CYP46A1: variants seen among roughly 807,000 people sequenced by gnomAD.
CYP46A1 encodes the protein cytochrome P450 family 46 subfamily A member 1, also known as cholesterol 24-hydroxylase.
In CYP46A1, 20 loss-of-function variants were observed where a neutral mutation model predicts 63.3. That is an observed-to-expected ratio of 0.32 (90% CI 0.22 to 0.46). The LOEUF (loss-of-function observed/expected upper bound fraction) is 0.46. Among genes scored for constraint, CYP46A1 ranks in the 20% least tolerant of loss-of-function variants. The pLI, the probability that CYP46A1 is intolerant of heterozygous loss-of-function variation, is 1.00. For missense variants in CYP46A1, 445 were observed against 670.8 expected (o/e 0.66, Z 3.72); for synonymous variants, 268 against 273.6 (o/e 0.98, Z 0.20).
intron 5 of CYP46A1, among the ~76,000 whole-genome samples, chr14:99,705,339 C>G (rs1484052926): frequency 6.6e-6 from 1 of 152,182 alleles, no homozygotes; most frequent in African/African-American, 2.4e-5. Flanking sequence ...TTTCAAGTAG[C>G]TGGGGCTACA....
rs750463063 is a variant in CYP46A1 at position 99,721,275 on chromosome 14, G to A, written c.1017G>A (p.Lys339=). The A allele has an allele frequency of 3.7e-6, 6 of 1,614,016 alleles. No individual in the cohort carries two copies. The Admixed American group carries it at 6.7e-5, about 18-fold the overall frequency. The change falls in exon 11 of 15, where the codon AAG becomes AAA. Residue 339 remains lysine (K), a synonymous_variant. Transcript: ENST00000261835. ...AGGTGGATGAGGTCATTGGTTCTAAGAGGTACCTGGATTTCGAGGACCTGG... is the reference window on the plus strand; with the variant it reads ...AGGTGGATGAGGTCATTGGTTCTAAAAGGTACCTGGATTTCGAGGACCTGG... ...QAEVDEVIGS[K]RYLDFEDLGR...
intron 4 of CYP46A1, among the ~76,000 whole-genome samples, 171 bp from the exon 5 acceptor site, chr14:99,699,844 C>T (rs528101077): frequency 2.0e-5 from 3 of 152,188 alleles, no homozygotes; most frequent in Admixed American, 6.5e-5. Context: ...ATTTTCCCCA[C>T]CTTAGAGGGT....
intron 7 of CYP46A1, among the ~76,000 whole-genome samples, chr14:99,714,374 T>G (rs893184651): frequency 1.1e-4 from 17 of 152,154 alleles, no homozygotes; most frequent in African/African-American, 3.9e-4. Flanking sequence ...TGGGTATTTA[T>G]CCAAAGAAAA....
At chr14:99,713,119 T>A (rs950805026) in intron 7 of CYP46A1, 4 of 152,052 alleles carry the variant, frequency 2.6e-5, no homozygotes, top group African/African-American at 9.7e-5. Context: ...TCTCACCATA[T>A]ACAAAAATCA....
intron 12 of CYP46A1, chr14:99,723,088 C>G (rs1023789816): frequency 3.9e-6 from 1 of 256,944 alleles, no homozygotes; most frequent in Non-Finnish European, 8.3e-6. Context: ...GATTTTGTAT[C>G]TGCTGCCATC....
intron 1 of CYP46A1, chr14:99,684,743 TG>T (rs2056475757): frequency 1.5e-6 from 1 of 645,966 alleles, no homozygotes; most frequent in African/African-American, 1.8e-5. Context: ...CGCGCACAGC[TG>T]GGCCCCACAA....
Position 99,691,611 on chromosome 14 carries a change from A to G in CYP46A1, c.201-169A>G, listed in dbSNP as rs113085702. ...GGACATGACTCGGCAAGTGAGCAAC[A>G]GGGCAGAGCCTTGCCCCCAGGGCTC... On this transcript the variant is annotated intron_variant, in intron 2 of 14. Coordinates refer to ENST00000261835, the MANE Select transcript of CYP46A1 (RefSeq NM_006668.2). 2.4e-3 allele frequency: 1,500 copies of G among 627,430 alleles called. 15 individuals carry two copies. The highest frequency in any genetic ancestry group is 0.024 in the African/African-American group (1,283 of 54,556). The allele number at this position is 627,430 out of a possible 1,614,324, so 38.9% of individuals were successfully genotyped here. A position where few individuals can be genotyped will look rare whatever the true frequency, so the allele number is the denominator to read the frequency against.
At chr14:99,692,296 A>T (rs1304827041) in intron 3 of CYP46A1, among the ~76,000 whole-genome samples, 1 of 152,242 alleles carries the variant, frequency 6.6e-6, no homozygotes, top group Admixed American at 6.5e-5. Context: ...TGCACTTCAC[A>T]ATTAGTGACG....
At chr14:99,712,906 CTACAATAA>C (rs2056747869) in intron 7 of CYP46A1, 1 of 152,146 alleles carries the variant, frequency 6.6e-6, no homozygotes, top group African/African-American at 2.4e-5. Context: ...TACTATAAAG[CTACAATAA>C]CCAAAACAGC....
At chr14:99,715,417 C>T (rs1486722402) in intron 7 of CYP46A1, among the ~76,000 whole-genome samples, 4 of 152,178 alleles carry the variant, frequency 2.6e-5, no homozygotes, top group Admixed American at 6.5e-5. Context: ...CCTGGGACTT[C>T]GGCCCCTGAG....
intron 5 of CYP46A1, among the ~76,000 whole-genome samples, chr14:99,703,319 T>G (rs1377969430): frequency 2.0e-5 from 3 of 152,192 alleles, no homozygotes; most frequent in Non-Finnish European, 2.9e-5. Flanking sequence ...TGCTACAGCC[T>G]CCTCATTGGC....
chr14:99,705,741 A>G lies in CYP46A1; in HGVS notation c.444-906A>G, dbSNP rs575273335. Among the ~76,000 whole-genome samples the G allele has an allele frequency of 1.2e-3, 179 of 152,350 alleles. 3 individuals are homozygous for G. The highest frequency in any genetic ancestry group is 3.4e-3 in the Middle Eastern group (1 of 294). ...GGAGTTTGAGACCAGCCTGGCCAAC[A>G]TGGTGAAACCCTGTCTCTACTAAAG... is the stretch of plus-strand genomic sequence containing the variant. On this transcript the variant is annotated intron_variant, in intron 5 of 14. Coordinates refer to ENST00000261835, the MANE Select transcript of CYP46A1 (RefSeq NM_006668.2).
chr14:99,722,891 G>A lies in CYP46A1; in HGVS notation c.1176+825G>A, dbSNP rs2056861701. ...ATTTCTGTCCGCATGTCCAGGAACA[G>A]TGTGCAAGCCAGCTCCTCGGACATT... is the stretch of plus-strand genomic sequence containing the variant. On this transcript the variant is annotated intron_variant, in intron 12 of 14. Coordinates refer to ENST00000261835, the MANE Select transcript of CYP46A1 (RefSeq NM_006668.2). This position sits in a 1 kb window ranked among gnomAD's most constrained non-coding sequence, Gnocchi z 4.6. The A allele has an allele frequency of 2.2e-6, 1 of 454,024 alleles. No individual in the cohort carries two copies. The highest frequency in any genetic ancestry group is 1.6e-5 in the South Asian group (1 of 64,408). 28.1% of individuals were successfully genotyped at this position (454,024 alleles called of 1,614,324 possible). A position where few individuals can be genotyped will look rare whatever the true frequency, so the allele number is the denominator to read the frequency against.
intron 12 of CYP46A1, among the ~76,000 whole-genome samples, chr14:99,723,286 C>T (rs749026916): frequency 2.6e-5 from 4 of 152,148 alleles, no homozygotes; most frequent in East Asian, 1.9e-4. Context: ...TTATTTTTTA[C>T]GGCATACATT....
intron 1 of CYP46A1, among the ~76,000 whole-genome samples, chr14:99,688,527 C>T (rs543910474): frequency 3.9e-5 from 6 of 152,288 alleles, no homozygotes; most frequent in Admixed American, 3.9e-4. Flanking sequence ...GGGAGGGTAG[C>T]CCAGGCCAAC....
Position 99,684,710 on chromosome 14 carries a change from C to T in CYP46A1, c.119+174C>T, listed in dbSNP as rs771391346. 1.6e-5 allele frequency: 11 copies of T among 666,784 alleles called. 1 individual carries two copies. Among genetic ancestry groups the T allele is most frequent in the African/African-American group, 7.2e-5 (4 of 55,852 alleles). The allele number at this position is 666,784 out of a possible 1,614,324, so 41.3% of individuals were successfully genotyped here. A position where few individuals can be genotyped will look rare whatever the true frequency, so the allele number is the denominator to read the frequency against. On this transcript the variant is annotated intron_variant, in intron 1 of 14. Transcript: ENST00000261835. ...TTCTTAGTAACAAATTACTCACAGC[C>T]GCAGCAGCTGCTGGGCGCCCACCGC...
rs1455059709 is a variant in CYP46A1 at position 99,718,787 on chromosome 14, C to T, written c.980+661C>T. 5.9e-5 allele frequency among the ~76,000 whole-genome samples: 9 copies of T among 151,868 alleles called. 1 individual carries two copies. The South Asian group carries it at 6.3e-4, about 11-fold the overall frequency. On this transcript the variant is annotated intron_variant, in intron 10 of 14. Transcript: ENST00000261835. ...ATTAGTCATCAGCAGCATATAAGGG[C>T]GGAAGTGAAAGATTGTGTGAAAATA...
intron 1 of CYP46A1, among the ~76,000 whole-genome samples, chr14:99,687,418 C>T (rs1392778138): frequency 2.6e-5 from 4 of 152,206 alleles, no homozygotes; most frequent in Non-Finnish European, 5.9e-5. Context: ...TGGGGCTGTT[C>T]AGCAAGGAGC....
At chr14:99,700,456 G>T (rs1167223072) in intron 5 of CYP46A1, among the ~76,000 whole-genome samples, 1 of 152,136 alleles carries the variant, frequency 6.6e-6, no homozygotes, top group African/African-American at 2.4e-5. Context: ...TTATGTTTTG[G>T]TGATATAGTT....
Sources: allele counts gnomAD v4.1 joint callset (sites outside exome capture counted in the v4.1 genomes callset), GRCh38; gene constraint gnomAD v4.1.1; non-coding constraint Gnocchi (gnomAD v3.1); transcripts MANE v1.5; gene names NCBI Gene and HGNC (gene_info 2026-07-23, HGNC 2026-07-21).